Variants in ITPR2 observed in about 807,000 individuals in gnomAD.
ITPR2 encodes the protein inositol 1,4,5-trisphosphate-gated calcium channel ITPR2.
A neutral mutation model predicts 317.1 loss-of-function variants in ITPR2; 207 were observed. The observed-to-expected ratio is 0.65, with a 90% confidence interval of 0.58 to 0.73. The LOEUF is 0.73. Ranked by LOEUF, ITPR2 falls within the 30% of genes least tolerant of loss-of-function variation. The pLI, the probability that ITPR2 is intolerant of heterozygous loss-of-function variation, is 0.00. For synonymous variants in ITPR2, 1,156 were observed against 1,149.1 expected (o/e 1.01, Z -0.12); for missense variants, 2,613 against 3,284.0 (o/e 0.80, Z 4.99).
chr12:26,501,919 T>C (rs1943080879), intron 37 of ITPR2, among the ~76,000 whole-genome samples: 1 of 152,182 alleles, frequency 6.6e-6, no homozygotes, highest in African/African-American at 2.4e-5. Context: ...TTGATTCCAT[T>C]GGTGAAAATT....
chr12:26,461,691 TACACACACACAC>T (rs10580959), intron 45 of ITPR2, among the ~76,000 whole-genome samples: 3 of 123,808 alleles, frequency 2.4e-5, no homozygotes, highest in Admixed American at 1.6e-4. Flanking sequence ...CATATATATA[TACACACACACAC>T]ACACACACAC....
chr12:26,413,375 G>A (rs559643611), intron 51 of ITPR2, among the ~76,000 whole-genome samples: 6 of 152,146 alleles, frequency 3.9e-5, no homozygotes, highest in Non-Finnish European at 8.8e-5. Context: ...ATTCGCTACA[G>A]AGTTGCATAT....
At chr12:26,521,994 A>C (rs533964425) in intron 37 of ITPR2, among the ~76,000 whole-genome samples, 17 of 152,286 alleles carry the variant, frequency 1.1e-4, no homozygotes, top group African/African-American at 3.1e-4. Flanking sequence ...TACATTTCCC[A>C]CTATATTCTT....
At chr12:26,693,787 A>G (rs1011725371) in intron 10 of ITPR2, among the ~76,000 whole-genome samples, 2 of 152,246 alleles carry the variant, frequency 1.3e-5, no homozygotes, top group African/African-American at 4.8e-5. Context: ...AGATGCGCAC[A>G]GAGATTTAAT....
chr12:26,523,527 T>TC (rs1312765773), intron 37 of ITPR2, among the ~76,000 whole-genome samples: 6 of 142,232 alleles, frequency 4.2e-5, no homozygotes, highest in African/African-American at 1.0e-4. Flanking sequence ...AAAATCTTTT[T>TC]TTTTTTTTTA....
chr12:26,621,301 A>G lies in ITPR2; in HGVS notation c.3289-5T>C. 2 of 1,597,490 alleles carry G rather than the reference A, an allele frequency of 1.3e-6. No homozygotes were observed. Among genetic ancestry groups the G allele is most frequent in the South Asian group, 1.1e-5 (1 of 88,248 alleles). ...ATTAGACACCAGTAATTGCACCTAA[A>G]ACAGAAGAATTTCAATCTTAGTTGA... is the stretch of plus-strand genomic sequence containing the variant. On this transcript the variant is annotated splice_polypyrimidine_tract_variant and splice_region_variant and intron_variant, in intron 25 of 56. Coordinates refer to ENST00000381340, the MANE Select transcript of ITPR2 (RefSeq NM_002223.4).
intron 34 of ITPR2, among the ~76,000 whole-genome samples, chr12:26,572,418 A>T (rs1274484541): frequency 6.6e-6 from 1 of 152,192 alleles, no homozygotes; most frequent in Non-Finnish European, 1.5e-5. Flanking sequence ...GATGTTTTTT[A>T]ACCCTTTAAG....
rs1177233376 is a variant in ITPR2, at chr12:26,782,037, T to TAGAGAGAG, written c.163+8112_163+8119dup. ...ATATATATATATATATATATATGTA[T>TAGAGAGAG]AGAGAGAGAGAGAGAGAGAGAGAGA... On this transcript the variant is annotated intron_variant, in intron 2 of 56. Transcript: ENST00000381340. 3.8e-3 allele frequency among the ~76,000 whole-genome samples: 196 copies of TAGAGAGAG among 51,672 alleles called. 2 individuals carry two copies. The highest frequency in any genetic ancestry group is 8.6e-3 in the Middle Eastern group (1 of 116). 33.9% of individuals were successfully genotyped at this position (51,672 alleles called of 152,430 possible).
intron 30 of ITPR2, 85 bp from the exon 31 acceptor site, chr12:26,597,219 A>T: frequency 7.2e-7 from 1 of 1,390,308 alleles, no homozygotes; most frequent in East Asian, 2.3e-5. Context: ...ATCTGGAAAC[A>T]CGTATATCTC....
intron 2 of ITPR2, among the ~76,000 whole-genome samples, chr12:26,754,146 T>G (rs1257406516): frequency 6.6e-6 from 1 of 152,198 alleles, no homozygotes; most frequent in African/African-American, 2.4e-5. Flanking sequence ...TAAATAATCT[T>G]TGGGAAATAA....
intron 13 of ITPR2, among the ~76,000 whole-genome samples, chr12:26,680,875 T>C (rs998270659): frequency 6.6e-6 from 1 of 152,150 alleles, no homozygotes; most frequent in Non-Finnish European, 1.5e-5. Flanking sequence ...TGGACAGATG[T>C]TCAAGAATGT....
At chr12:26,755,909 T>A (rs1268267550) in intron 2 of ITPR2, among the ~76,000 whole-genome samples, 2 of 152,160 alleles carry the variant, frequency 1.3e-5, no homozygotes, top group African/African-American at 4.8e-5. Context: ...CCCCAAGTTA[T>A]CTTGGGACCT....
intron 37 of ITPR2, among the ~76,000 whole-genome samples, chr12:26,541,242 G>A (rs1459368455): frequency 4.6e-5 from 7 of 151,730 alleles, no homozygotes; most frequent in African/African-American, 7.3e-5. Context: ...ACTTGAACCC[G>A]GGAGGCAGAG....
At chr12:26,520,051 G>A (rs1186438524) in intron 37 of ITPR2, among the ~76,000 whole-genome samples, 1 of 152,050 alleles carries the variant, frequency 6.6e-6, no homozygotes, top group Non-Finnish European at 1.5e-5. Flanking sequence ...AATGAAGGTG[G>A]GAAAGAAACT....
chr12:26,579,176 T>G (rs1027383503), intron 33 of ITPR2, among the ~76,000 whole-genome samples: 4 of 152,304 alleles, frequency 2.6e-5, no homozygotes, highest in African/African-American at 9.6e-5. Context: ...TTGGTTGGTT[T>G]GTTTTGGTTT....
At chr12:26,717,647 C>A (rs1486826755) in intron 5 of ITPR2, among the ~76,000 whole-genome samples, 2 of 152,110 alleles carry the variant, frequency 1.3e-5, no homozygotes, top group East Asian at 3.8e-4. Context: ...ATGTAGTATG[C>A]TATCATTCGT....
At chr12:26,523,264 T>G (rs953828391) in intron 37 of ITPR2, among the ~76,000 whole-genome samples, 1 of 152,208 alleles carries the variant, frequency 6.6e-6, no homozygotes, top group Non-Finnish European at 1.5e-5. Flanking sequence ...AATATAGGGT[T>G]AATTTCTGAC....
At chr12:26,672,803 C>T (rs1381121218) in intron 13 of ITPR2, among the ~76,000 whole-genome samples, 18 of 151,674 alleles carry the variant, frequency 1.2e-4, no homozygotes, top group Non-Finnish European at 2.2e-4. Context: ...AGACTGCTAG[C>T]AAGACTAATA....
intron 37 of ITPR2, among the ~76,000 whole-genome samples, chr12:26,516,270 A>G (rs369795119): frequency 0.11 from 4,227 of 38,656 alleles, 608 homozygotes; most frequent in Non-Finnish European, 0.16. Context: ...AGGAAAGGAA[A>G]GGAAGGGAAG....
Sources: gnomAD v4.1 joint callset for allele counts (sites outside exome capture counted in the v4.1 genomes callset) on GRCh38, gnomAD v4.1.1 for gene constraint, MANE v1.5 for transcripts, NCBI Gene and HGNC (gene_info 2026-07-23, HGNC 2026-07-21) for gene names.